SATL1: variants seen among roughly 807,000 people sequenced by gnomAD.
The protein encoded by SATL1 is spermidine/spermine N1-acetyl transferase like 1.
In SATL1, 47 loss-of-function variants were observed where a neutral mutation model predicts 51.8. That is an observed-to-expected ratio of 0.91 (90% confidence interval 0.72 to 1.16). The LOEUF (loss-of-function observed/expected upper bound fraction) is 1.16. Among genes scored for constraint, SATL1 ranks in the 50% most tolerant of loss-of-function variants. The pLI, the probability that SATL1 is intolerant of heterozygous loss-of-function variation, is 0.00. For missense variants in SATL1, 520 were observed against 526.4 expected (o/e 0.99, Z 0.12); for synonymous variants, 176 against 182.4 (o/e 0.97, Z 0.28).
intron 4 of SATL1, among the ~76,000 whole-genome samples, chrX:85,102,376 T>C (rs1422262112): frequency 9.0e-6 from 1 of 111,377 alleles, no homozygotes; most frequent in Non-Finnish European, 1.9e-5. Context: ...TGGAGATGGA[T>C]AGTGGTGCTG....
At chrX:85,227,022 G>T (rs928064845) in intron 1 of SATL1, among the ~76,000 whole-genome samples, 1 of 110,906 alleles carries the variant, frequency 9.0e-6, no homozygotes, top group African/African-American at 3.3e-5. Flanking sequence ...GAGTTCAGCT[G>T]CCAAAACCAA....
chrX:85,118,795 AATAC>A lies in SATL1; in HGVS notation c.-312-9519_-312-9516del, dbSNP rs751275546. Among the ~76,000 whole-genome samples, 110 of 111,503 alleles carry A rather than the reference AATAC, an allele frequency of 9.9e-4. 1 individual carries two copies. The highest frequency in any genetic ancestry group is 1.5e-3 in the Non-Finnish European group (81 of 53,108). ...CACAAAAATGATAAGTATCTGAGGT[AATAC>A]ATATGTTAATTAGCTTGATTTAGCC... is the stretch of plus-strand genomic sequence containing the variant. On this transcript the variant is annotated intron_variant, in intron 2 of 7. Transcript: ENST00000644105.
At chrX:85,239,364 T>A (rs66590338) in intron 1 of SATL1, among the ~76,000 whole-genome samples, 26,692 of 110,349 alleles carry the variant, frequency 0.24, 3,394 homozygotes, top group African/African-American at 0.49. Context: ...TGATGAAACA[T>A]ATCCAAGAAG....
chrX:85,208,346 A>AC, intron 2 of SATL1, among the ~76,000 whole-genome samples: 1 of 111,807 alleles, frequency 8.9e-6, no homozygotes, highest in Admixed American at 9.5e-5. Flanking sequence ...TATTGTGAAT[A>AC]GTGCCGCAAT....
chrX:85,142,725 A>G, intron 2 of SATL1: 1 of 111,727 alleles, frequency 9.0e-6, no homozygotes, highest in Middle Eastern at 4.2e-3. Context: ...TATATGGCAG[A>G]TATGATTAGG....
At chrX:85,109,584 C>T (rs1378974219) in intron 2 of SATL1, among the ~76,000 whole-genome samples, 2 of 111,847 alleles carry the variant, frequency 1.8e-5, no homozygotes, top group Non-Finnish European at 3.8e-5. Flanking sequence ...CGCAACTCCC[C>T]TCCCTTTCCC....
chrX:85,208,935 C>T (rs559416580), intron 2 of SATL1: 2 of 112,052 alleles, frequency 1.8e-5, no homozygotes, highest in African/African-American at 6.5e-5. Flanking sequence ...GCTTTTGTTG[C>T]CATTGCTATT....
intron 2 of SATL1, among the ~76,000 whole-genome samples, chrX:85,178,951 T>C (rs1226042456): frequency 8.9e-6 from 1 of 111,773 alleles, no homozygotes; most frequent in Non-Finnish European, 1.9e-5. Flanking sequence ...CTGGCCATTA[T>C]GATTCTCCTA....
At chrX:85,231,356 C>T (rs751562083) in intron 1 of SATL1, among the ~76,000 whole-genome samples, 3 of 111,698 alleles carry the variant, frequency 2.7e-5, no homozygotes, top group Non-Finnish European at 5.7e-5. Context: ...CTAAAATACT[C>T]AAACTCAGTG....
intron 2 of SATL1, among the ~76,000 whole-genome samples, chrX:85,139,076 A>G (rs1372032926): frequency 9.0e-6 from 1 of 111,545 alleles, no homozygotes; most frequent in Non-Finnish European, 1.9e-5. Flanking sequence ...TTCTATGCAG[A>G]ATTTTCTAGC....
intron 2 of SATL1, among the ~76,000 whole-genome samples, chrX:85,176,358 T>C (rs1927081409): frequency 8.9e-6 from 1 of 111,862 alleles, no homozygotes; most frequent in African/African-American, 3.2e-5. Context: ...CTTCTGGTAG[T>C]CTATCCTATA....
intron 2 of SATL1, among the ~76,000 whole-genome samples, chrX:85,150,124 A>T (rs1471186046): frequency 9.0e-6 from 1 of 111,610 alleles, no homozygotes; most frequent in African/African-American, 3.3e-5. Context: ...AAAAAATGAT[A>T]AAGGGGATAT....
chrX:85,141,058 G>C (rs912665045), intron 2 of SATL1, among the ~76,000 whole-genome samples: 1 of 111,700 alleles, frequency 9.0e-6, no homozygotes, highest in East Asian at 2.8e-4. Context: ...TCTTCTCAGA[G>C]TTGCAAGATG....
At chrX:85,158,272 C>T (rs1163162943) in intron 2 of SATL1, among the ~76,000 whole-genome samples, 6 of 111,456 alleles carry the variant, frequency 5.4e-5, no homozygotes, top group South Asian at 3.7e-4. Context: ...AGTAAGTTGA[C>T]GTGAGACTAC....
chrX:85,199,083 C>G (rs1927637747), intron 2 of SATL1, among the ~76,000 whole-genome samples: 3 of 110,092 alleles, frequency 2.7e-5, no homozygotes. Context: ...TCGACATTAG[C>G]CCGCCTCAGC....
chrX:85,144,040 T>C (rs1926174030), intron 2 of SATL1, among the ~76,000 whole-genome samples: 1 of 111,793 alleles, frequency 8.9e-6, no homozygotes, highest in Admixed American at 9.5e-5. Context: ...AGCCAAGAAG[T>C]ACAACTTTTT....
At chrX:85,129,324 G>T (rs1357274712) in intron 2 of SATL1, among the ~76,000 whole-genome samples, 1 of 111,556 alleles carries the variant, frequency 9.0e-6, no homozygotes, top group Non-Finnish European at 1.9e-5. Context: ...TTATTTTGTT[G>T]AGTAGTGGTT....
At chrX:85,235,139 G>A (rs973042806) in intron 1 of SATL1, among the ~76,000 whole-genome samples, 1 of 111,233 alleles carries the variant, frequency 9.0e-6, no homozygotes, top group Non-Finnish European at 1.9e-5. Flanking sequence ...GTTTCTTAAT[G>A]ATAAAAGTGT....
At chrX:85,233,706 A>C (rs183240552) in intron 1 of SATL1, among the ~76,000 whole-genome samples, 75 of 112,230 alleles carry the variant, frequency 6.7e-4, no homozygotes, top group Non-Finnish European at 4.7e-4. Context: ...AGAATTATTG[A>C]GCTTTGAGAT....
Sources: gnomAD v4.1 joint callset for allele counts (sites outside exome capture counted in the v4.1 genomes callset) on GRCh38, gnomAD v4.1.1 for gene constraint, MANE v1.5 for transcripts, NCBI Gene and HGNC (gene_info 2026-07-23, HGNC 2026-07-21) for gene names.